SIL1: variants seen among roughly 807,000 people sequenced by gnomAD.
SIL1 encodes nucleotide exchange factor SIL1.
Under a neutral mutation model 49.1 loss-of-function variants are expected in SIL1, and 40 were observed. That is an observed-to-expected ratio of 0.81 (90% CI 0.63 to 1.06). The LOEUF (loss-of-function observed/expected upper bound fraction) is 1.06. SIL1 is among the 50% of genes least tolerant of loss of function. The probability of loss-of-function intolerance (pLI) is 0.00; values close to 1 mark genes in which losing one functional copy is unlikely to be tolerated. For missense variants in SIL1, 500 were observed against 572.6 expected (o/e 0.87, Z 1.29); for synonymous variants, 253 against 250.8 (o/e 1.01, Z -0.08).
chr5:138,965,248 G>A (rs939324338), intron 7 of SIL1, among the ~76,000 whole-genome samples: 3 of 152,146 alleles, frequency 2.0e-5, no homozygotes, highest in Non-Finnish European at 4.4e-5. Flanking sequence ...CCCTCAAATC[G>A]GGTGTTAGAA....
chr5:139,163,627 C>T (rs553732582), intron 1 of SIL1, among the ~76,000 whole-genome samples: 2 of 152,222 alleles, frequency 1.3e-5, no homozygotes, highest in African/African-American at 4.8e-5. Flanking sequence ...GTCTCGGCCT[C>T]CCAAAGTGCT....
At chr5:139,171,328 G>T (rs1251674447) in intron 1 of SIL1, among the ~76,000 whole-genome samples, 3 of 152,104 alleles carry the variant, frequency 2.0e-5, no homozygotes, top group African/African-American at 7.2e-5. Context: ...AAGTAGACAT[G>T]GGAGACTTTT....
At chr5:139,023,234 C>T (rs952222262) in intron 6 of SIL1, among the ~76,000 whole-genome samples, 1 of 152,194 alleles carries the variant, frequency 6.6e-6, no homozygotes, top group Non-Finnish European at 1.5e-5. Context: ...GGGCCCCCCC[C>T]TGGTGACATA....
intron 7 of SIL1, among the ~76,000 whole-genome samples, chr5:138,983,615 C>T (rs1045840936): frequency 7.2e-5 from 11 of 151,968 alleles, no homozygotes; most frequent in Non-Finnish European, 1.2e-4. Context: ...CTTACCCATG[C>T]GACACACAGA....
At chr5:138,985,455 G>C (rs1256728242) in intron 7 of SIL1, among the ~76,000 whole-genome samples, 1 of 152,200 alleles carries the variant, frequency 6.6e-6, no homozygotes, top group Non-Finnish European at 1.5e-5. Flanking sequence ...GAAAAATGAA[G>C]AGAAACAAAC....
At chr5:139,054,865 T>C (rs1769372336) in intron 3 of SIL1, among the ~76,000 whole-genome samples, 1 of 152,200 alleles carries the variant, frequency 6.6e-6, no homozygotes, top group Admixed American at 6.5e-5. Flanking sequence ...AAACACGTCA[T>C]GGCAGCAGCA....
At chr5:138,983,007 G>C (rs1767561446) in intron 7 of SIL1, among the ~76,000 whole-genome samples, 1 of 151,264 alleles carries the variant, frequency 6.6e-6, no homozygotes, top group Non-Finnish European at 1.5e-5. Context: ...GGCCAGCCTG[G>C]GCAACATGGT....
At chr5:139,195,713 A>G (rs1312659644) in intron 1 of SIL1, among the ~76,000 whole-genome samples, 2 of 152,220 alleles carry the variant, frequency 1.3e-5, no homozygotes, top group South Asian at 2.1e-4. Flanking sequence ...GTAGTGGTAC[A>G]TTGAGCCCCA....
chr5:139,006,588 T>A (rs1376656762), intron 7 of SIL1, among the ~76,000 whole-genome samples: 1 of 151,846 alleles, frequency 6.6e-6, no homozygotes, highest in South Asian at 2.1e-4. Flanking sequence ...TGGTTTTAGG[T>A]CTAACGTTTA....
chr5:139,038,684 C>T (rs1768972484), intron 5 of SIL1, among the ~76,000 whole-genome samples: 1 of 152,218 alleles, frequency 6.6e-6, no homozygotes, highest in African/African-American at 2.4e-5. Flanking sequence ...TGGATGCTGG[C>T]CACTGGGAGT....
chr5:138,983,942 G>A (rs928761355), intron 7 of SIL1, among the ~76,000 whole-genome samples: 16 of 152,172 alleles, frequency 1.1e-4, no homozygotes, highest in African/African-American at 3.9e-4. Flanking sequence ...TGGGACAGGA[G>A]GCCACAAGTA....
intron 1 of SIL1, among the ~76,000 whole-genome samples, chr5:139,178,915 C>G (rs1026053523): frequency 2.6e-5 from 4 of 152,050 alleles, no homozygotes. Context: ...AGAAGGAAAA[C>G]GAAGCTGTAT....
chr5:139,003,316 C>T (rs1768031192), intron 7 of SIL1, among the ~76,000 whole-genome samples: 1 of 152,112 alleles, frequency 6.6e-6, no homozygotes, highest in South Asian at 2.1e-4. Context: ...ACAGTCTGCT[C>T]CTTCTGGGAA....
intron 3 of SIL1, among the ~76,000 whole-genome samples, chr5:139,118,317 C>G (rs1384819649): frequency 6.6e-6 from 1 of 152,188 alleles, no homozygotes; most frequent in Non-Finnish European, 1.5e-5. Flanking sequence ...AGTGATTCCA[C>G]AATGGGATTG....
At chr5:139,036,442 A>G (rs529929825) in intron 5 of SIL1, among the ~76,000 whole-genome samples, 1 of 152,314 alleles carries the variant, frequency 6.6e-6, no homozygotes, top group East Asian at 1.9e-4. Flanking sequence ...ATTTGTCAAA[A>G]TAGCAAACAC....
At chr5:139,009,065 TA>T (rs1362591461) in intron 7 of SIL1, among the ~76,000 whole-genome samples, 1 of 151,510 alleles carries the variant, frequency 6.6e-6, no homozygotes, top group Non-Finnish European at 1.5e-5. Context: ...AGTGGGGTGT[TA>T]AAGTCTCCCA....
chr5:139,146,279 A>G (rs1238097800), intron 1 of SIL1, among the ~76,000 whole-genome samples: 1 of 152,240 alleles, frequency 6.6e-6, no homozygotes, highest in Non-Finnish European at 1.5e-5. Flanking sequence ...TAAGAAGGCC[A>G]GGAATGGTGG....
intron 1 of SIL1, among the ~76,000 whole-genome samples, chr5:139,168,425 G>C (rs186999059): frequency 5.5e-4 from 83 of 152,264 alleles, no homozygotes; most frequent in Admixed American, 9.8e-4. Flanking sequence ...TGTGTTCCTG[G>C]AGCAGCTTGC....
chr5:139,076,138 G>C (rs1168844990), intron 3 of SIL1, among the ~76,000 whole-genome samples: 1 of 152,138 alleles, frequency 6.6e-6, no homozygotes, highest in African/African-American at 2.4e-5. Context: ...GATTTTCACA[G>C]ACATCAGTTT....
Sources: gnomAD v4.1 joint callset for allele counts (sites outside exome capture counted in the v4.1 genomes callset) on GRCh38, gnomAD v4.1.1 for gene constraint, MANE v1.5 for transcripts, NCBI Gene and HGNC (gene_info 2026-07-23, HGNC 2026-07-21) for gene names.